The following FAM13A variants were observed in gnomAD, a reference collection of about 807,000 sequenced individuals.
FAM13A encodes protein FAM13A.
Under a neutral mutation model 129.6 loss-of-function variants are expected in FAM13A, and 76 were observed. The ratio of observed to expected loss-of-function variants is 0.59; its 90% CI spans 0.49 to 0.71. The LOEUF (loss-of-function observed/expected upper bound fraction) is 0.71, where lower values mean the gene tolerates loss of function less well. Ranked by LOEUF, FAM13A falls within the 30% of genes least tolerant of loss-of-function variation. The pLI is 0.00. For synonymous variants in FAM13A, 443 were observed against 449.9 expected (o/e 0.98, Z 0.20); for missense variants, 1,108 against 1,249.3 (o/e 0.89, Z 1.70).
At chr4:88,858,877 C>T (rs1739001560) in intron 6 of FAM13A, among the ~76,000 whole-genome samples, 1 of 152,148 alleles carries the variant, frequency 6.6e-6, no homozygotes, top group African/African-American at 2.4e-5. Context: ...GTGAGTTTTA[C>T]AGTATATAAA....
chr4:88,819,986 C>T (rs1211153885), intron 7 of FAM13A, among the ~76,000 whole-genome samples: 1 of 152,150 alleles, frequency 6.6e-6, no homozygotes, highest in African/African-American at 2.4e-5. Context: ...AGTTTCTAAA[C>T]AGCCAACTCC....
At chr4:88,731,290 C>A in intron 23 of FAM13A, 37 bp downstream of exon 23, 2 of 741,194 alleles carry the variant, frequency 2.7e-6, no homozygotes, top group Non-Finnish European at 1.8e-6. Context: ...TGTGGTGCGG[C>A]GGGGGGGAAG....
chr4:89,016,496 T>C (rs1401033122), intron 3 of FAM13A, among the ~76,000 whole-genome samples: 3 of 152,172 alleles, frequency 2.0e-5, no homozygotes, highest in Non-Finnish European at 4.4e-5. Context: ...GGCCTTCATA[T>C]TCACTCACCA....
intron 6 of FAM13A, among the ~76,000 whole-genome samples, chr4:88,853,180 A>C (rs1248060757): frequency 2.0e-5 from 3 of 152,202 alleles, no homozygotes; most frequent in African/African-American, 7.2e-5. Context: ...TAAACGTACA[A>C]AAACACTTCT....
At chr4:88,973,842 T>G (rs1760500494) in intron 4 of FAM13A, among the ~76,000 whole-genome samples, 1 of 152,162 alleles carries the variant, frequency 6.6e-6, no homozygotes, top group Non-Finnish European at 1.5e-5. Flanking sequence ...AGTGAGCCTG[T>G]GCCCCTCAAC....
intron 13 of FAM13A, among the ~76,000 whole-genome samples, chr4:88,764,060 A>G (rs951722644): frequency 2.0e-5 from 3 of 152,212 alleles, no homozygotes; most frequent in Middle Eastern, 3.2e-3. Flanking sequence ...TTCAGGGCAA[A>G]TAAAAGCCTG....
chr4:89,054,977 G>A (rs1167309008), intron 1 of FAM13A, among the ~76,000 whole-genome samples: 2 of 152,114 alleles, frequency 1.3e-5, no homozygotes, highest in African/African-American at 4.8e-5. Flanking sequence ...CAAAAAGAAG[G>A]CATTTAAGCT....
chr4:89,050,957 T>C (rs780891390), intron 1 of FAM13A, among the ~76,000 whole-genome samples: 2 of 152,032 alleles, frequency 1.3e-5, no homozygotes, highest in Non-Finnish European at 2.9e-5. Flanking sequence ...AAGATAACCA[T>C]CATGGTCTTG....
intron 8 of FAM13A, among the ~76,000 whole-genome samples, chr4:88,802,972 G>A (rs974168680): frequency 2.0e-5 from 3 of 152,166 alleles, no homozygotes; most frequent in African/African-American, 7.2e-5. Context: ...TCCACTCACA[G>A]ACTTGTAGCC....
At chr4:88,895,081 C>T (rs565929056) in intron 6 of FAM13A, among the ~76,000 whole-genome samples, 1 of 152,084 alleles carries the variant, frequency 6.6e-6, no homozygotes, top group South Asian at 2.1e-4. Flanking sequence ...ACATGAAATA[C>T]TATGATTATT....
chr4:89,056,421 TAC>T (rs1387297228), intron 1 of FAM13A, among the ~76,000 whole-genome samples: 3 of 152,216 alleles, frequency 2.0e-5, no homozygotes, highest in Non-Finnish European at 2.9e-5. Context: ...AGTTTAAGGA[TAC>T]ACAAACATTT....
At chr4:89,002,335 A>T (rs529934874) in intron 3 of FAM13A, among the ~76,000 whole-genome samples, 1 of 152,310 alleles carries the variant, frequency 6.6e-6, no homozygotes, top group South Asian at 2.1e-4. Flanking sequence ...GCATGTGCTC[A>T]GACAGGAGTG....
chr4:89,010,301 C>T (rs1765568464), intron 3 of FAM13A, among the ~76,000 whole-genome samples: 2 of 152,182 alleles, frequency 1.3e-5, no homozygotes, highest in African/African-American at 2.4e-5. Context: ...TATCCCCAGG[C>T]TTTGTACCGA....
intron 4 of FAM13A, among the ~76,000 whole-genome samples, chr4:88,939,692 G>A (rs2464522): frequency 0.76 from 115,694 of 151,634 alleles, 44,437 homozygotes; most frequent in African/African-American, 0.81. Context: ...TCCCATGATT[G>A]TGTCACAATG....
At chr4:88,853,016 G>A (rs572085286) in intron 6 of FAM13A, among the ~76,000 whole-genome samples, 3 of 152,142 alleles carry the variant, frequency 2.0e-5, no homozygotes, top group Admixed American at 6.5e-5. Context: ...ATAGAGCAAA[G>A]TGAACTCAAT....
intron 1 of FAM13A, among the ~76,000 whole-genome samples, chr4:89,049,501 T>A (rs1771276453): frequency 6.6e-6 from 1 of 152,236 alleles, no homozygotes; most frequent in Non-Finnish European, 1.5e-5. Context: ...AAAGAAATAT[T>A]TGGAATTTAA....
rs186383333 is a variant in FAM13A at position 89,030,797 on chromosome 4, T to C, written c.28-1148A>G. ...TAGTGCAGTTTATGTACAATTATAG[T>C]GACAAACTTATAAATGCTATATGTG... On this transcript the variant is annotated intron_variant, in intron 1 of 23. Transcript: ENST00000264344. Among the ~76,000 whole-genome samples the C allele has an allele frequency of 1.4e-4, 21 of 152,296 alleles. No homozygotes were observed. The East Asian group carries it at 3.3e-3, about 24-fold the overall frequency.
intron 6 of FAM13A, among the ~76,000 whole-genome samples, chr4:88,893,674 C>G (rs1230682219): frequency 1.7e-5 from 2 of 118,066 alleles, no homozygotes; most frequent in Non-Finnish European, 3.8e-5. Flanking sequence ...ATAAATAAGC[C>G]GGGCGTGGTG....
chr4:88,877,600 G>C (rs1742766479), intron 6 of FAM13A, among the ~76,000 whole-genome samples: 1 of 152,204 alleles, frequency 6.6e-6, no homozygotes, highest in Admixed American at 6.5e-5. Flanking sequence ...AATGCTAAGA[G>C]TAATTAATAG....
Sources: gnomAD v4.1 joint callset for allele counts (sites outside exome capture counted in the v4.1 genomes callset) on GRCh38, gnomAD v4.1.1 for gene constraint, MANE v1.5 for transcripts, NCBI Gene and HGNC (gene_info 2026-07-23, HGNC 2026-07-21) for gene names.